UGT1A1: variants seen among roughly 807,000 people sequenced by gnomAD.
UGT1A1 encodes UDP-glucuronosyltransferase 1A1.
Under a neutral mutation model 40.6 loss-of-function variants are expected in UGT1A1, and 33 were observed. The ratio of observed to expected loss-of-function variants is 0.81; its 90% CI spans 0.62 to 1.09. UGT1A1 has a LOEUF of 1.09. Among genes scored for constraint, UGT1A1 ranks in the 50% least tolerant of loss-of-function variants. The pLI is 0.00. For missense variants in UGT1A1, 694 were observed against 671.2 expected, an observed-to-expected ratio of 1.03 and a Z score of -0.38; for synonymous variants, 249 against 265.0, an observed-to-expected ratio of 0.94 and a Z score of 0.59.
Position 233,767,926 on chromosome 2 carries a change from C to T in UGT1A1, c.1074C>T (p.Asn358=). 5.6e-6 allele frequency: 9 copies of T among 1,614,196 alleles called. No homozygotes were observed. Among genetic ancestry groups the T allele is most frequent in the South Asian group, 1.1e-5 (1 of 91,082 alleles). The change falls in exon 3 of 5, where the codon AAC becomes AAT. Residue 358 remains asparagine, a synonymous_variant. Coordinates refer to ENST00000305208, the MANE Select transcript of UGT1A1 (RefSeq NM_000463.3). The part of the protein sequence containing the change: ...NTILVKWLPQ[N]DLLGHPMTRA... The stretch of plus-strand genomic sequence containing the variant: ...TACTTGTTAAGTGGCTACCCCAAAA[C>T]GATCTGCTTGGTATGTTGGGCGGAT...
intron 1 of UGT1A1, among the ~76,000 whole-genome samples, chr2:233,762,621 C>T (rs1374321731): frequency 6.6e-6 from 1 of 152,118 alleles, no homozygotes; most frequent in Non-Finnish European, 1.5e-5. Context: ...TTGTTGTGAC[C>T]TCAAACACTT....
Position 233,772,815 on chromosome 2 carries a change from G to A in UGT1A1, c.*256G>A. 1 of 1,022,382 alleles carries A rather than the reference G, an allele frequency of 9.8e-7. No homozygotes were observed. The highest frequency in any genetic ancestry group is 1.3e-6 in the Non-Finnish European group (1 of 747,412). 63.3% of individuals were successfully genotyped at this position (1,022,382 alleles called of 1,614,324 possible). On this transcript the variant is annotated 3_prime_UTR_variant, in exon 5 of 5. Transcript: ENST00000305208. Reference sequence around the variant, plus strand: ...ACATGTGCCATTTTTCAGAGGACGTGCAGACAGGCTGGCATTCTAGATTAC... The same window carrying A: ...ACATGTGCCATTTTTCAGAGGACGTACAGACAGGCTGGCATTCTAGATTAC...
At chr2:233,762,315 G>A (rs565893517) in intron 1 of UGT1A1, among the ~76,000 whole-genome samples, 4 of 152,216 alleles carry the variant, frequency 2.6e-5, no homozygotes, top group Non-Finnish European at 4.4e-5. Flanking sequence ...TTAATGGGTC[G>A]AGAGTAATCC....
intron 4 of UGT1A1, chr2:233,771,640 G>C (rs183876140): frequency 4.5e-4 from 68 of 152,464 alleles, no homozygotes; most frequent in African/African-American, 1.6e-3. Context: ...TTATTTTACT[G>C]TATGAAAATA....
intron 1 of UGT1A1, among the ~76,000 whole-genome samples, chr2:233,761,951 C>T (rs997594435): frequency 3.9e-5 from 6 of 152,200 alleles, no homozygotes; most frequent in Non-Finnish European, 8.8e-5. Flanking sequence ...GCGTCTGGCT[C>T]CCATTAAGGG....
At position 233,760,687 on chromosome 2, in the gene UGT1A1, A is replaced by C; in HGVS notation, c.400A>C (p.Lys134Gln). ...LSGCSHLLHNKELMASLAESS... is the reference protein window; with the variant it reads ...LSGCSHLLHNQELMASLAESS... ...TGGCTGTTCCCACTTACTGCACAAC[A>C]AGGAGCTCATGGCCTCCCTGGCAGA... Residue 134 changes from lysine to glutamine, a missense_variant, in exon 1 of 5, where the codon AAG (lysine) becomes CAG (glutamine). Transcript: ENST00000305208. The C allele has an allele frequency of 6.2e-7, 1 of 1,614,232 alleles. No individual in the cohort carries two copies. Among genetic ancestry groups the C allele is most frequent in the Non-Finnish European group, 8.5e-7 (1 of 1,180,034 alleles).
At chr2:233,767,784 A>T in intron 2 of UGT1A1, 65 bp from the exon 3 acceptor site, 1 of 1,613,694 alleles carries the variant, frequency 6.2e-7, no homozygotes. Context: ...TAGTTAGTAT[A>T]GCAGATTTGT....
chr2:233,768,439 G>C lies in UGT1A1; in HGVS notation c.1304G>C (p.Ser435Thr), dbSNP rs1306719122. 1 of 1,613,244 alleles carries C rather than the reference G, an allele frequency of 6.2e-7. No homozygotes were observed. The highest frequency in any genetic ancestry group is 1.1e-5 in the South Asian group (1 of 90,868). ...NALKAVINDK[S>T]YKENIMRLSS... ...CTAAAAGCAGTCATCAATGACAAAA[G>C]GTAAGAAAGAAGATACAGAAGAATA... The change falls in exon 4 of 5, where the codon AGT becomes ACT. Residue 435 changes from serine (S) to threonine (T), a missense_variant and splice_region_variant. By Grantham distance (58) the Ser-to-Thr change is moderately conservative. Transcript: ENST00000305208.
Position 233,772,848 on chromosome 2 carries a change from A to T in UGT1A1, c.*289A>T. 1.3e-6 allele frequency: 1 copy of T among 775,120 alleles called. No homozygotes were observed. Among genetic ancestry groups the T allele is most frequent in the Non-Finnish European group, 1.8e-6 (1 of 542,660 alleles). The allele number at this position is 775,120 out of a possible 1,614,324, so 48.0% of individuals were successfully genotyped here. ...GCTGGCATTCTAGATTACTTTTCTT[A>T]CTCTGAAACATGGCCTGTTTGGGAG... On this transcript the variant is annotated 3_prime_UTR_variant, in exon 5 of 5. Coordinates refer to ENST00000305208, the MANE Select transcript of UGT1A1 (RefSeq NM_000463.3).
intron 4 of UGT1A1, among the ~76,000 whole-genome samples, chr2:233,768,995 A>C (rs771127427): frequency 6.6e-6 from 1 of 152,124 alleles, no homozygotes; most frequent in Admixed American, 6.5e-5. Context: ...CCCCCATTAG[A>C]TTTAAAACTC....
intron 2 of UGT1A1, 143 bp from the exon 3 acceptor site, chr2:233,767,706 A>C (rs1467899863): frequency 1.1e-5 from 16 of 1,521,756 alleles, no homozygotes; most frequent in Admixed American, 2.0e-5. Flanking sequence ...GCCAGTCCTC[A>C]GAAGCCTTCA....
chr2:233,769,111 C>T lies in UGT1A1; in HGVS notation c.1304+672C>T, dbSNP rs899905689. Among the ~76,000 whole-genome samples the T allele has an allele frequency of 3.9e-5, 6 of 152,132 alleles. No homozygotes were observed. Among genetic ancestry groups the T allele is most frequent in the African/African-American group, 1.4e-4 (6 of 41,418 alleles). ...CATAGTATCTTTAAGAGAAAAACAACTCAAATGCTTAGAAGTACAGCTTTT... is the reference window on the plus strand; with the variant it reads ...CATAGTATCTTTAAGAGAAAAACAATTCAAATGCTTAGAAGTACAGCTTTT... On this transcript the variant is annotated intron_variant, in intron 4 of 4. Coordinates refer to ENST00000305208, the MANE Select transcript of UGT1A1 (RefSeq NM_000463.3). This position sits in a 1 kb window ranked among gnomAD's most constrained non-coding sequence, Gnocchi z 4.4.
Position 233,769,767 on chromosome 2 carries a change from A to T in UGT1A1, c.1304+1328A>T. On this transcript the variant is annotated intron_variant, in intron 4 of 4. Transcript: ENST00000305208. The surrounding 1 kb of genome is among the most constrained non-coding windows in gnomAD (Gnocchi z 4.4). The stretch of plus-strand genomic sequence containing the variant: ...CCACTCTGGAGGCTAAGGCGGGAGG[A>T]TTGCTTGAGCCCAGAAGTTGGAGGC... The T allele has an allele frequency of 7.3e-7, 1 of 1,374,514 alleles. No individual in the cohort carries two copies. Among genetic ancestry groups the T allele is most frequent in the Non-Finnish European group, 9.5e-7 (1 of 1,054,322 alleles). The allele number at this position is 1,374,514 out of a possible 1,614,324, so 85.1% of individuals were successfully genotyped here. A position where few individuals can be genotyped will look rare whatever the true frequency, so the allele number is the denominator to read the frequency against.
Position 233,769,502 on chromosome 2 carries a change from T to C in UGT1A1, c.1304+1063T>C, listed in dbSNP as rs1443648635. The C allele has an allele frequency of 1.2e-6, 2 of 1,612,762 alleles. No individual in the cohort carries two copies. On this transcript the variant is annotated intron_variant, in intron 4 of 4. Transcript: ENST00000305208. The surrounding 1 kb of genome is among the most constrained non-coding windows in gnomAD (Gnocchi z 4.4). Reference sequence around the variant, plus strand: ...GTGCGTGTGTTTATGAGAGTGTCCATTGCTTTCTCCCATGGTTACCTCCTT... The same window carrying C: ...GTGCGTGTGTTTATGAGAGTGTCCACTGCTTTCTCCCATGGTTACCTCCTT...
At chr2:233,762,867 G>T (rs1181874118) in intron 1 of UGT1A1, among the ~76,000 whole-genome samples, 2 of 151,628 alleles carry the variant, frequency 1.3e-5, no homozygotes, top group African/African-American at 2.4e-5. Flanking sequence ...AAGAAATTTT[G>T]GTTTCTTCTC....
rs749423657 is a variant in UGT1A1 at position 233,760,407 on chromosome 2, G to A, written c.120G>A (p.Trp40Ter). The change falls in exon 1 of 5, where the codon TGG (tryptophan) becomes TGA (stop). Residue 40 changes from tryptophan (W) to a stop codon, truncating the protein, a stop_gained. Coordinates refer to ENST00000305208, the MANE Select transcript of UGT1A1 (RefSeq NM_000463.3). LOFTEE classifies it high-confidence loss of function. ...ILLIPVDGSH[W>*]LSMLGAIQQL... ...TGATCCCAGTGGATGGCAGCCACTG[G>A]CTGAGCATGCTTGGGGCCATCCAGC... is the stretch of plus-strand genomic sequence containing the variant. 7 of 1,614,102 alleles carry A rather than the reference G, an allele frequency of 4.3e-6. No individual in the cohort carries two copies. Among genetic ancestry groups the A allele is most frequent in the Non-Finnish European group, 5.9e-6 (7 of 1,180,056 alleles).
At chr2:233,761,660 C>T (rs998044886) in intron 1 of UGT1A1, among the ~76,000 whole-genome samples, 2 of 152,246 alleles carry the variant, frequency 1.3e-5, no homozygotes, top group African/African-American at 4.8e-5. Flanking sequence ...ATGAGTGAAT[C>T]ACCAGACAGT....
intron 1 of UGT1A1, among the ~76,000 whole-genome samples, 198 bp downstream of exon 1, chr2:233,761,349 C>T (rs963345880): frequency 6.6e-6 from 1 of 152,178 alleles, no homozygotes; most frequent in African/African-American, 2.4e-5. Flanking sequence ...TCTGAGATTT[C>T]GGGAAAGCAT....
intron 1 of UGT1A1, among the ~76,000 whole-genome samples, chr2:233,765,129 C>T (rs936294408): frequency 1.3e-5 from 2 of 152,146 alleles, no homozygotes; most frequent in African/African-American, 2.4e-5. Flanking sequence ...CAGGTTTTAG[C>T]ACTGAACATC....
Sources: allele counts gnomAD v4.1 joint callset (sites outside exome capture counted in the v4.1 genomes callset), GRCh38; gene constraint gnomAD v4.1.1; non-coding constraint Gnocchi (gnomAD v3.1); transcripts MANE v1.5; gene names NCBI Gene and HGNC (gene_info 2026-07-23, HGNC 2026-07-21).